Variants in TTC17 observed in about 807,000 individuals in gnomAD.
The protein encoded by TTC17 is tetratricopeptide repeat domain 17.
In TTC17, 58 loss-of-function variants were observed where a neutral mutation model predicts 143.8. That is an observed-to-expected ratio of 0.40 (90% confidence interval 0.33 to 0.50). The LOEUF is 0.50. Ranked by LOEUF, TTC17 falls within the 20% of genes least tolerant of loss-of-function variation. The probability of loss-of-function intolerance (pLI) is 0.49; values close to 1 mark genes in which losing one functional copy is unlikely to be tolerated. For synonymous variants in TTC17, 501 were observed against 497.8 expected (o/e 1.01, Z -0.09); for missense variants, 1,273 against 1,392.5 (o/e 0.91, Z 1.37).
Position 43,396,829 on chromosome 11 carries a change from TC to T in TTC17, c.773+13del. 1 of 1,551,100 alleles carries T rather than the reference TC, an allele frequency of 6.4e-7. No individual in the cohort carries two copies. Among genetic ancestry groups the T allele is most frequent in the Non-Finnish European group, 8.9e-7 (1 of 1,126,826 alleles). On this transcript the variant is annotated intron_variant, in intron 6 of 23. Coordinates refer to ENST00000039989, the MANE Select transcript of TTC17 (RefSeq NM_018259.6). Reference sequence around the variant, plus strand: ...TCACTTCTCTTCCAGGTAAGATTCCTCCTCTTCTGGACCTGATTTTCCACAT... The same window carrying T: ...TCACTTCTCTTCCAGGTAAGATTCCTCTCTTCTGGACCTGATTTTCCACAT...
chr11:43,400,536 C>T (rs1782702347), intron 9 of TTC17, among the ~76,000 whole-genome samples: 1 of 152,162 alleles, frequency 6.6e-6, no homozygotes, highest in Non-Finnish European at 1.5e-5. Context: ...CTACAAACAA[C>T]CCATCCATAC....
rs928839681 is a variant in TTC17, at chr11:43,396,924, C to T, written c.773+106C>T. Reference sequence around the variant, plus strand: ...AAGCAACATTGCATTATATACTTTTCTCCATCCCTGTTCAAAGAAATAAGT... The same window carrying T: ...AAGCAACATTGCATTATATACTTTTTTCCATCCCTGTTCAAAGAAATAAGT... On this transcript the variant is annotated intron_variant, in intron 6 of 23. Coordinates refer to ENST00000039989, the MANE Select transcript of TTC17 (RefSeq NM_018259.6). The T allele has an allele frequency of 3.2e-5, 17 of 527,252 alleles. No homozygotes were observed. The African/African-American group carries it at 3.3e-4, about 10-fold the overall frequency. The allele number at this position is 527,252 out of a possible 1,614,324, so 32.7% of individuals were successfully genotyped here.
intron 18 of TTC17, chr11:43,446,229 G>A (rs1397652964): frequency 5.0e-6 from 6 of 1,204,194 alleles, no homozygotes; most frequent in Non-Finnish European, 6.3e-6. Context: ...TGCCCCCTCT[G>A]CCCTCTGCCG....
intron 16 of TTC17, among the ~76,000 whole-genome samples, chr11:43,420,471 G>C (rs1946876394): frequency 1.3e-5 from 2 of 152,058 alleles, no homozygotes; most frequent in African/African-American, 2.4e-5. Flanking sequence ...TACCTAAAAT[G>C]GTCTCTCAGT....
At chr11:43,426,238 A>G (rs1363216951) in intron 16 of TTC17, among the ~76,000 whole-genome samples, 1 of 152,256 alleles carries the variant, frequency 6.6e-6, no homozygotes. Flanking sequence ...GCTAAAAGCC[A>G]TAAATGTTGA....
At chr11:43,442,160 C>G (rs1306841434) in intron 16 of TTC17, among the ~76,000 whole-genome samples, 1 of 152,088 alleles carries the variant, frequency 6.6e-6, no homozygotes, top group Non-Finnish European at 1.5e-5. Flanking sequence ...ATTTGTGTCT[C>G]TAAACATATT....
At chr11:43,365,555 G>A (rs117592726) in intron 1 of TTC17, among the ~76,000 whole-genome samples, 5,746 of 152,216 alleles carry the variant, frequency 0.038, 124 homozygotes, top group Middle Eastern at 0.051. Context: ...GGCATGAGCC[G>A]CCATGCCTGG....
intron 15 of TTC17, 39 bp from the exon 16 acceptor site, chr11:43,414,551 T>C: frequency 6.4e-7 from 1 of 1,573,834 alleles, no homozygotes; most frequent in South Asian, 1.2e-5. Context: ...CAGAAAATAT[T>C]AGTTCATTAA....
At chr11:43,487,576 A>G (rs953353443) in intron 21 of TTC17, among the ~76,000 whole-genome samples, 3 of 152,262 alleles carry the variant, frequency 2.0e-5, no homozygotes, top group Non-Finnish European at 4.4e-5. Flanking sequence ...CAATAGAGAA[A>G]TGCTGACACA....
intron 10 of TTC17, among the ~76,000 whole-genome samples, chr11:43,401,981 AAAT>A (rs1417251114): frequency 1.1e-4 from 1 of 8,770 alleles, no homozygotes; most frequent in Non-Finnish European, 2.1e-4. Flanking sequence ...GTGTCTCAAA[AAAT>A]AAATAAATAA....
At chr11:43,396,605 A>G in intron 5 of TTC17, 104 bp from the exon 6 acceptor site, 2 of 562,734 alleles carry the variant, frequency 3.6e-6, no homozygotes, top group South Asian at 6.5e-5. Context: ...GCTCTTCTTC[A>G]TCTTGAATTT....
chr11:43,388,728 C>A (rs1288608723), intron 2 of TTC17, among the ~76,000 whole-genome samples: 1 of 151,218 alleles, frequency 6.6e-6, no homozygotes, highest in East Asian at 2.0e-4. Context: ...AATCCCAGTA[C>A]TCTGTGAGGC....
intron 1 of TTC17, among the ~76,000 whole-genome samples, chr11:43,359,548 C>T (rs1196176838): frequency 1.3e-5 from 2 of 152,206 alleles, no homozygotes; most frequent in Admixed American, 1.3e-4. Flanking sequence ...GGTATGACAG[C>T]TTCTGGACCC....
intron 15 of TTC17, among the ~76,000 whole-genome samples, chr11:43,410,430 C>T (rs1024945174): frequency 6.6e-6 from 1 of 152,094 alleles, no homozygotes; most frequent in African/African-American, 2.4e-5. Flanking sequence ...GAATAGTTGG[C>T]TCTCAAATAT....
In TTC17 at chr11:43,410,730, A is replaced by C. The variant is rs563749193; in HGVS notation, c.2064+3153A>C. Reference sequence around the variant, plus strand: ...GCTCTAGAACAAAAGGCCAAAACCAAACTCCTTAACGCTGTTCCAAATTTA... The same window carrying C: ...GCTCTAGAACAAAAGGCCAAAACCACACTCCTTAACGCTGTTCCAAATTTA... On this transcript the variant is annotated intron_variant, in intron 15 of 23. Transcript: ENST00000039989. Among the ~76,000 whole-genome samples the C allele has an allele frequency of 7.9e-5, 12 of 152,274 alleles. No homozygotes were observed. In the South Asian group the frequency reaches 2.3e-3, roughly 29 times the overall value.
chr11:43,481,767 CT>C (rs1318687120), intron 21 of TTC17, among the ~76,000 whole-genome samples: 1 of 151,926 alleles, frequency 6.6e-6, no homozygotes, highest in African/African-American at 2.4e-5. Flanking sequence ...CTCTTTTTTT[CT>C]GATCAGACTC....
chr11:43,475,231 T>G (rs1277619226), intron 21 of TTC17, among the ~76,000 whole-genome samples: 1 of 152,164 alleles, frequency 6.6e-6, no homozygotes, highest in Middle Eastern at 3.2e-3. Flanking sequence ...CAGAAGTGCT[T>G]TGAATTTCAG....
chr11:43,474,732 AACT>A (rs1486327623), intron 21 of TTC17, among the ~76,000 whole-genome samples: 1 of 152,252 alleles, frequency 6.6e-6, no homozygotes, highest in African/African-American at 2.4e-5. Flanking sequence ...TCAAAAACTT[AACT>A]ACTAATAGCC....
At chr11:43,406,566 CT>C (rs58014740) in intron 13 of TTC17, among the ~76,000 whole-genome samples, 63 of 146,242 alleles carry the variant, frequency 4.3e-4, no homozygotes, top group Admixed American at 4.8e-4. Flanking sequence ...TCACAACCAC[CT>C]TTTTTTTTTT....
Sources: gnomAD v4.1 joint callset for allele counts (sites outside exome capture counted in the v4.1 genomes callset) on GRCh38, gnomAD v4.1.1 for gene constraint, MANE v1.5 for transcripts, NCBI Gene and HGNC (gene_info 2026-07-23, HGNC 2026-07-21) for gene names.